ANXA1: variants seen among roughly 807,000 people sequenced by gnomAD.
ANXA1 encodes annexin I (lipocortin I).
A neutral mutation model predicts 47.9 loss-of-function variants in ANXA1; 39 were observed. The observed-to-expected ratio is 0.81, with a 90% confidence interval of 0.63 to 1.06. The LOEUF (loss-of-function observed/expected upper bound fraction) is 1.06. Ranked by LOEUF, ANXA1 falls within the 50% of genes least tolerant of loss-of-function variation. The pLI, the probability that ANXA1 is intolerant of heterozygous loss-of-function variation, is 0.00. For missense variants in ANXA1, 446 were observed against 422.7 expected (o/e 1.06, Z -0.48); for synonymous variants, 146 against 142.5 (o/e 1.02, Z -0.17).
chr9:73,168,911 G>GTGTGTA (rs758329040), intron 11 of ANXA1, 121 bp from the exon 12 acceptor site: 4 of 754,050 alleles, frequency 5.3e-6, no homozygotes, highest in East Asian at 2.8e-5. Flanking sequence ...GTGTGTGTGT[G>GTGTGTA]TATAGCTAGT....
intron 11 of ANXA1, chr9:73,168,692 T>A (rs1824273283): frequency 6.1e-6 from 1 of 163,712 alleles, no homozygotes; most frequent in Admixed American, 6.0e-5. Flanking sequence ...CAACAGAAGA[T>A]CACTGACAGT....
In ANXA1 at chr9:73,165,100, T is replaced by C. The variant is rs766949332; in HGVS notation, c.613-16T>C. ...TCAGCAGATAGTGAAGTGTTTACTT[T>C]TGTGTTTCTTGACAGGCCTTGTATG... On this transcript the variant is annotated splice_polypyrimidine_tract_variant and intron_variant, in intron 8 of 12. Transcript: ENST00000257497. The C allele has an allele frequency of 8.1e-6, 13 of 1,603,850 alleles. No homozygotes were observed. Among genetic ancestry groups the C allele is most frequent in the Middle Eastern group, 1.7e-4 (1 of 6,040 alleles).
chr9:73,168,757 T>A (rs1824274219), intron 11 of ANXA1: 1 of 209,456 alleles, frequency 4.8e-6, no homozygotes, highest in South Asian at 1.6e-4. Flanking sequence ...TTCCCTTTTT[T>A]TGTAATTATT....
At position 73,163,510 on chromosome 9, in the gene ANXA1, A is replaced by T. The variant is rs1824177923; in HGVS notation, c.590A>T (p.Asp197Val). 1 of 1,612,878 alleles carries T rather than the reference A, an allele frequency of 6.2e-7. No homozygotes were observed. Among genetic ancestry groups the T allele is most frequent in the African/African-American group, 1.3e-5 (1 of 74,860 alleles). ...TCTGAGGACTTTGGTGTGAATGAAG[A>T]CTTGGCTGATTCAGATGCCAGGGTA... is the stretch of plus-strand genomic sequence containing the variant. ...DRSEDFGVNE[D>V]LADSDARALY... The change falls in exon 8 of 13, where the codon GAC becomes GTC. Residue 197 changes from aspartate (D) to valine (V), a missense_variant. Physicochemically the swap from Asp to Val is radical, Grantham distance 152. Coordinates refer to ENST00000257497, the MANE Select transcript of ANXA1 (RefSeq NM_000700.3).
At chr9:73,155,708 C>T (rs1824035884) in intron 1 of ANXA1, among the ~76,000 whole-genome samples, 2 of 152,016 alleles carry the variant, frequency 1.3e-5, no homozygotes, top group South Asian at 4.1e-4. Context: ...TAATTGATTT[C>T]TTGAAGAAAA....
chr9:73,164,620 G>GA (rs1322257218), intron 8 of ANXA1, among the ~76,000 whole-genome samples: 3 of 152,050 alleles, frequency 2.0e-5, no homozygotes, highest in East Asian at 1.9e-4. Flanking sequence ...ATATATAAAA[G>GA]AAAAAAATCT....
intron 10 of ANXA1, among the ~76,000 whole-genome samples, chr9:73,166,990 A>T (rs775880316): frequency 9.9e-5 from 15 of 152,100 alleles, no homozygotes; most frequent in Admixed American, 2.0e-4. Flanking sequence ...CTTACTTTAG[A>T]CACAGAGGTA....
Position 73,170,090 on chromosome 9 carries a change from C to T in ANXA1, c.1024C>T (p.Leu342Phe). Reference sequence around the variant, plus strand: ...AGATTATGAGAAAATCCTGGTGGCTCTTTGTGGAGGAAACTAAACATTCCC... The same window carrying T: ...AGATTATGAGAAAATCCTGGTGGCTTTTTGTGGAGGAAACTAAACATTCCC... ...KGDYEKILVA[L>F]CGGN is the part of the protein sequence containing the mutation. Residue 342 changes from leucine to phenylalanine, a missense_variant, in exon 13 of 13, where the codon CTT becomes TTT. Physicochemically the swap from Leu to Phe is conservative, Grantham distance 22. Transcript: ENST00000257497. The T allele has an allele frequency of 1.3e-5, 21 of 1,606,426 alleles. No individual in the cohort carries two copies. The highest frequency in any genetic ancestry group is 1.8e-5 in the Non-Finnish European group (21 of 1,175,728).
intron 1 of ANXA1, among the ~76,000 whole-genome samples, chr9:73,152,351 G>A (rs1823985703): frequency 6.6e-6 from 1 of 152,306 alleles, no homozygotes; most frequent in Non-Finnish European, 1.5e-5. Flanking sequence ...AGTGATAGGA[G>A]TGGGCTGCAG....
At chr9:73,163,381 T>C in intron 7 of ANXA1, 95 bp from the exon 8 acceptor site, 1 of 1,278,540 alleles carries the variant, frequency 7.8e-7, no homozygotes, top group South Asian at 1.3e-5. Context: ...TACCTTTTTC[T>C]CAAAAAATAT....
rs79808692 is a variant in ANXA1, at chr9:73,156,354, A to T, written c.-14-2168A>T. On this transcript the variant is annotated intron_variant, in intron 1 of 12. Coordinates refer to ENST00000257497, the MANE Select transcript of ANXA1 (RefSeq NM_000700.3). ...TTTTAAAGTATTGGGTGTGCCAATT[A>T]AGAAGGTGGAATATGAAACTCCATG... Among the ~76,000 whole-genome samples the T allele has an allele frequency of 2.0e-4, 30 of 152,074 alleles. No individual in the cohort carries two copies. In the East Asian group the frequency reaches 5.4e-3, roughly 27 times the overall value.
Position 73,165,166 on chromosome 9 carries a change from C to T in ANXA1, c.663C>T (p.Phe221=), listed in dbSNP as rs1033769795. ...ERRKGTDVNV[F]NTILTTRSYP... ...GAAAGGGGACAGACGTAAACGTGTTCAATACCATCCTTACCACCAGAAGCT... is the reference window on the plus strand; with the variant it reads ...GAAAGGGGACAGACGTAAACGTGTTTAATACCATCCTTACCACCAGAAGCT... The change falls in exon 9 of 13, where the codon TTC becomes TTT. Residue 221 remains phenylalanine (F), a synonymous_variant. Transcript: ENST00000257497. The T allele has an allele frequency of 1.9e-6, 3 of 1,612,784 alleles. No individual in the cohort carries two copies. The South Asian group carries it at 3.3e-5, about 18-fold the overall frequency.
chr9:73,154,958 A>G (rs1040308923), intron 1 of ANXA1, among the ~76,000 whole-genome samples: 5 of 152,214 alleles, frequency 3.3e-5, no homozygotes, highest in African/African-American at 1.2e-4. Context: ...ACAATCAACC[A>G]CAAAACTCAG....
chr9:73,159,503 G>A, intron 4 of ANXA1, 80 bp downstream of exon 4: 1 of 1,158,318 alleles, frequency 8.6e-7, no homozygotes, highest in Non-Finnish European at 1.3e-6. Context: ...CAGTTACCTA[G>A]TTCTTTAAGG....
Position 73,162,800 on chromosome 9 carries a change from C to A in ANXA1, c.494C>A (p.Ala165Asp). 1 of 1,612,798 alleles carries A rather than the reference C, an allele frequency of 6.2e-7. No homozygotes were observed. The highest frequency in any genetic ancestry group is 2.2e-5 in the East Asian group (1 of 44,816). Residue 165 changes from alanine (A) to aspartate (D), a missense_variant, in exon 7 of 13, where the codon GCC becomes GAC. Physicochemically the swap from Ala to Asp is moderately radical, Grantham distance 126 (BLOSUM62 -2). Coordinates refer to ENST00000257497, the MANE Select transcript of ANXA1 (RefSeq NM_000700.3). ...TTCTCAGAACTGAAGAGAGATCTGG[C>A]CAAAGACATAACCTCAGACACATCT... ...VYREELKRDL[A>D]KDITSDTSGD...
In ANXA1 at chr9:73,162,846, G is replaced by T. The variant is rs1247950178; in HGVS notation, c.540G>T (p.Leu180Phe). ...CATCTGGAGATTTTCGGAACGCTTT[G>T]CTTTCTCTTGCTAAGGTACAACTCA... is the stretch of plus-strand genomic sequence containing the variant. ...SDTSGDFRNA[L>F]LSLAKGDRSE... is the part of the protein sequence containing the mutation. Residue 180 changes from leucine (L) to phenylalanine (F), a missense_variant, in exon 7 of 13, where the codon TTG (leucine) becomes TTT (phenylalanine). Leu to Phe is a conservative substitution (Grantham distance 22). Coordinates refer to ENST00000257497, the MANE Select transcript of ANXA1 (RefSeq NM_000700.3). The T allele has an allele frequency of 1.2e-6, 2 of 1,612,458 alleles. No individual in the cohort carries two copies. The highest frequency in any genetic ancestry group is 4.5e-5 in the East Asian group (2 of 44,820).
chr9:73,164,576 C>T (rs1369331081), intron 8 of ANXA1, among the ~76,000 whole-genome samples: 2 of 151,880 alleles, frequency 1.3e-5, no homozygotes, highest in East Asian at 1.9e-4. Flanking sequence ...TAATAAAGAC[C>T]GCTTGTGACA....
intron 7 of ANXA1, among the ~76,000 whole-genome samples, chr9:73,163,092 CAGA>C (rs1285271727): frequency 1.3e-5 from 2 of 152,106 alleles, no homozygotes; most frequent in Non-Finnish European, 2.9e-5. Flanking sequence ...CTGGTGTGTG[CAGA>C]GACCACATGG....
At chr9:73,162,710 T>G (rs1824163339) in intron 6 of ANXA1, 72 bp from the exon 7 acceptor site, 1 of 1,192,844 alleles carries the variant, frequency 8.4e-7, no homozygotes, top group African/African-American at 1.5e-5. Flanking sequence ...TTCAACCAAC[T>G]TAGAGATGTC....
Sources: gnomAD v4.1 joint callset for allele counts (sites outside exome capture counted in the v4.1 genomes callset) on GRCh38, gnomAD v4.1.1 for gene constraint, MANE v1.5 for transcripts, NCBI Gene and HGNC (gene_info 2026-07-23, HGNC 2026-07-21) for gene names.